Variants in DOK6 observed in about 807,000 individuals in gnomAD.
DOK6 encodes downstream of tyrosine kinase 6.
A neutral mutation model predicts 44.0 loss-of-function variants in DOK6; 22 were observed. The observed-to-expected ratio is 0.50, with a 90% CI of 0.36 to 0.71. The LOEUF (loss-of-function observed/expected upper bound fraction) is 0.71. Ranked by LOEUF, DOK6 falls within the 30% of genes least tolerant of loss-of-function variation. The probability of loss-of-function intolerance (pLI) is 0.00; values close to 1 mark genes in which losing one functional copy is unlikely to be tolerated. For synonymous variants in DOK6, 166 were observed against 145.5 expected, an observed-to-expected ratio of 1.14 and a Z score of -1.01; for missense variants, 340 against 416.4, an observed-to-expected ratio of 0.82 and a Z score of 1.60.
intron 5 of DOK6, among the ~76,000 whole-genome samples, chr18:69,734,393 C>CAAAAAAAAAAAA (rs60831756): frequency 2.5e-4 from 12 of 48,502 alleles, no homozygotes; most frequent in East Asian, 1.5e-3. Context: ...TTCATAGCAG[C>CAAAAAAAAAAAA]AAAAAAAAAA....
chr18:69,728,323 A>ATT (rs34679386), intron 5 of DOK6, among the ~76,000 whole-genome samples: 3 of 151,916 alleles, frequency 2.0e-5, no homozygotes, highest in South Asian at 2.1e-4. Flanking sequence ...ATGCTTTCTA[A>ATT]TTTTTTTCCC....
At chr18:69,811,046 A>G (rs1438993021) in intron 7 of DOK6, among the ~76,000 whole-genome samples, 1 of 152,122 alleles carries the variant, frequency 6.6e-6, no homozygotes, top group Non-Finnish European at 1.5e-5. Context: ...TAAGGAATCA[A>G]CCTAAGTGTC....
rs1208861110 is a variant in DOK6 at position 69,605,057 on chromosome 18, CCT to C, written c.289+5560_289+5561del. ...AAAATCCTTGTAGTTTTTTGAGACC[CCT>C]GTTAGGAGAGATCCCTTTGTGTGTG... On this transcript the variant is annotated intron_variant, in intron 3 of 7. Transcript: ENST00000382713. 6.2e-5 allele frequency among the ~76,000 whole-genome samples: 9 copies of C among 144,994 alleles called. No individual in the cohort carries two copies. The Admixed American group carries it at 6.3e-4, about 10-fold the overall frequency.
rs567790917 is a variant in DOK6, at chr18:69,561,344, C to T, written c.67-3143C>T. Among the ~76,000 whole-genome samples, 4 of 152,264 alleles carry T rather than the reference C, an allele frequency of 2.6e-5. No homozygotes were observed. The South Asian group carries it at 8.3e-4, about 32-fold the overall frequency. On this transcript the variant is annotated intron_variant, in intron 1 of 7. Transcript: ENST00000382713. ...TTCTTGATGTTTGCATTTCCAAAAT[C>T]TGTTACCACTTGAAATGTAATTACT...
At chr18:69,713,391 A>G (rs1986812157) in intron 5 of DOK6, among the ~76,000 whole-genome samples, 2 of 152,220 alleles carry the variant, frequency 1.3e-5, no homozygotes, top group Admixed American at 6.5e-5. Context: ...GGGAGGTAGC[A>G]TGGATTGTGG....
At chr18:69,474,166 T>C (rs1363381089) in intron 1 of DOK6, among the ~76,000 whole-genome samples, 1 of 152,154 alleles carries the variant, frequency 6.6e-6, no homozygotes, top group African/African-American at 2.4e-5. Flanking sequence ...GGGCCTTCTT[T>C]CCTTCTTTCC....
intron 1 of DOK6, among the ~76,000 whole-genome samples, chr18:69,415,496 A>G (rs902877230): frequency 6.6e-6 from 1 of 152,092 alleles, no homozygotes; most frequent in African/African-American, 2.4e-5. Context: ...GACCACCCCC[A>G]ACCTTCCAAT....
chr18:69,503,693 T>C (rs1437161832), intron 1 of DOK6, among the ~76,000 whole-genome samples: 3 of 152,012 alleles, frequency 2.0e-5, no homozygotes, highest in Non-Finnish European at 4.4e-5. Context: ...TATATCCTCA[T>C]CCTGATATAA....
intron 3 of DOK6, among the ~76,000 whole-genome samples, chr18:69,615,917 T>A (rs1428796942): frequency 1.3e-5 from 2 of 152,170 alleles, no homozygotes; most frequent in Admixed American, 6.5e-5. Flanking sequence ...TTAGGATGAG[T>A]GTGGCTAATG....
Position 69,842,183 on chromosome 18 carries a change from T to C in DOK6, c.*800T>C, listed in dbSNP as rs1982245292. 2.0e-5 allele frequency: 3 copies of C among 149,696 alleles called. No individual in the cohort carries two copies. Among genetic ancestry groups the C allele is most frequent in the East Asian group, 3.9e-4 (2 of 5,138 alleles). 9.3% of individuals were successfully genotyped at this position (149,696 alleles called of 1,614,324 possible). On this transcript the variant is annotated 3_prime_UTR_variant, in exon 8 of 8. Transcript: ENST00000382713. ...AAGGCTTCTTATTAGCAAAAGTATA[T>C]GTAATCCAGTCTGTTCCTAACAAGT... is the stretch of plus-strand genomic sequence containing the variant.
intron 1 of DOK6, among the ~76,000 whole-genome samples, chr18:69,474,319 C>A (rs967898074): frequency 1.3e-5 from 2 of 151,940 alleles, no homozygotes; most frequent in Non-Finnish European, 2.9e-5. Context: ...TTCTTGAAAT[C>A]GTATGTGAAC....
chr18:69,548,655 T>C (rs1403069386), intron 1 of DOK6, among the ~76,000 whole-genome samples: 1 of 151,590 alleles, frequency 6.6e-6, no homozygotes, highest in Non-Finnish European at 1.5e-5. Context: ...AGTCATTGAA[T>C]ACAAGTCGAC....
At chr18:69,712,559 T>C (rs888807932) in intron 5 of DOK6, among the ~76,000 whole-genome samples, 8 of 152,016 alleles carry the variant, frequency 5.3e-5, no homozygotes, top group African/African-American at 1.9e-4. Flanking sequence ...TAAATGTACA[T>C]TGGGACCTGG....
chr18:69,595,471 C>A (rs1983719493), intron 2 of DOK6, among the ~76,000 whole-genome samples: 1 of 152,120 alleles, frequency 6.6e-6, no homozygotes, highest in Non-Finnish European at 1.5e-5. Context: ...TCATCTTGAA[C>A]ATCATCTTGT....
intron 2 of DOK6, among the ~76,000 whole-genome samples, chr18:69,590,019 C>T (rs1035868781): frequency 1.3e-5 from 2 of 152,068 alleles, no homozygotes; most frequent in Non-Finnish European, 2.9e-5. Context: ...CTCCCTCTCA[C>T]AGCATATACC....
chr18:69,408,802 T>C (rs1379986932), intron 1 of DOK6, among the ~76,000 whole-genome samples: 2 of 152,186 alleles, frequency 1.3e-5, no homozygotes, highest in Non-Finnish European at 2.9e-5. Context: ...GATTATTTTG[T>C]TTGTTTCTTA....
At chr18:69,799,553 C>A (rs1368406285) in intron 7 of DOK6, among the ~76,000 whole-genome samples, 1 of 152,026 alleles carries the variant, frequency 6.6e-6, no homozygotes, top group Non-Finnish European at 1.5e-5. Flanking sequence ...CATTGCTTAT[C>A]TCCAATATTT....
At chr18:69,684,451 C>A (rs933351948) in intron 4 of DOK6, among the ~76,000 whole-genome samples, 1 of 151,878 alleles carries the variant, frequency 6.6e-6, no homozygotes, top group African/African-American at 2.4e-5. Context: ...TGGGAACATG[C>A]CCTCTGTACA....
At chr18:69,839,653 A>C (rs2145139223) in intron 7 of DOK6, among the ~76,000 whole-genome samples, 1 of 152,368 alleles carries the variant, frequency 6.6e-6, no homozygotes, top group Non-Finnish European at 1.5e-5. Context: ...CATGCGCAAC[A>C]GCAGGAAGCA....
Sources: gnomAD v4.1 joint callset for allele counts (sites outside exome capture counted in the v4.1 genomes callset) on GRCh38, gnomAD v4.1.1 for gene constraint, MANE v1.5 for transcripts, NCBI Gene and HGNC (gene_info 2026-07-23, HGNC 2026-07-21) for gene names.